FGD4: variants seen among roughly 807,000 people sequenced by gnomAD.
FGD4 encodes FYVE, RhoGEF and PH domain containing 4.
A neutral mutation model predicts 102.0 loss-of-function variants in FGD4; 42 were observed. The ratio of observed to expected loss-of-function variants is 0.41; its 90% confidence interval spans 0.32 to 0.53. FGD4 has a LOEUF of 0.53. FGD4 is among the 20% of genes least tolerant of loss of function. The pLI, the probability that FGD4 is intolerant of heterozygous loss-of-function variation, is 0.21. For missense variants in FGD4, 902 were observed against 1,078.2 expected, an observed-to-expected ratio of 0.84 and a Z score of 2.29; for synonymous variants, 380 against 375.7, an observed-to-expected ratio of 1.01 and a Z score of -0.13.
rs977448565 is a variant in FGD4, at chr12:32,643,491, A to C, written c.*2958A>C. 2 of 152,108 alleles carry C rather than the reference A, an allele frequency of 1.3e-5. No homozygotes were observed. Among genetic ancestry groups the C allele is most frequent in the African/African-American group, 4.8e-5 (2 of 41,448 alleles). The allele number at this position is 152,108 out of a possible 1,614,324, so 9.4% of individuals were successfully genotyped here. A position where few individuals can be genotyped will look rare whatever the true frequency, so the allele number is the denominator to read the frequency against. On this transcript the variant is annotated 3_prime_UTR_variant, in exon 17 of 17. Coordinates refer to ENST00000534526, the MANE Select transcript of FGD4 (RefSeq NM_001370298.3). ...AGAACATTTTTACTTTAACAAAGAA[A>C]ATGGATAGAAAAAGCACATTTTGTT... is the stretch of plus-strand genomic sequence containing the variant.
chr12:32,611,148 G>C lies in FGD4; in HGVS notation c.1614G>C (p.Lys538Asn), dbSNP rs1131691394. Residue 538 changes from lysine to asparagine, a missense_variant, in exon 10 of 17, where the codon AAG becomes AAC. Lys to Asn is a moderately conservative substitution (Grantham distance 94, BLOSUM62 0). Transcript: ENST00000534526. Reference sequence around the variant, plus strand: ...TTTTAATTTCCTAGGAGAACCTAAAGAAACTCTTAGAGATTTATGAAATGT... The same window carrying C: ...TTTTAATTTCCTAGGAGAACCTAAACAAACTCTTAGAGATTTATGAAATGT... ...NSAIRKMENL[K>N]KLLEIYEMLG... The C allele has an allele frequency of 1.2e-6, 2 of 1,613,978 alleles. No homozygotes were observed. The highest frequency in any genetic ancestry group is 1.7e-6 in the Non-Finnish European group (2 of 1,180,020).
chr12:32,619,916 A>AT, intron 11 of FGD4, 46 bp downstream of exon 11: 1 of 1,602,058 alleles, frequency 6.2e-7, no homozygotes, highest in Non-Finnish European at 8.5e-7. Context: ...ATCAGGCAAC[A>AT]GAATGAATCA....
rs905395788 is a variant in FGD4 at position 32,506,688 on chromosome 12, G to A, written c.167-57449G>A. Among the ~76,000 whole-genome samples, 18 of 152,084 alleles carry A rather than the reference G, an allele frequency of 1.2e-4. No individual in the cohort carries two copies. The highest frequency in any genetic ancestry group is 1.8e-4 in the Non-Finnish European group (12 of 68,030). ...GACATTCACTGTCTTCATTGTTAAC[G>A]TTGCATTCATTCATCAGATATTTCT... On this transcript the variant is annotated intron_variant, in intron 1 of 16. Transcript: ENST00000534526. The surrounding 1 kb of genome is among the most constrained non-coding windows in gnomAD (Gnocchi z 4.5).
intron 1 of FGD4, among the ~76,000 whole-genome samples, chr12:32,447,581 T>G (rs1457406148): frequency 6.6e-6 from 1 of 152,232 alleles, no homozygotes; most frequent in Non-Finnish European, 1.5e-5. Flanking sequence ...CCATTTGTAA[T>G]ATATGAGATA....
intron 11 of FGD4, among the ~76,000 whole-genome samples, chr12:32,622,465 C>A (rs1327450929): frequency 6.6e-6 from 1 of 152,184 alleles, no homozygotes; most frequent in Non-Finnish European, 1.5e-5. Flanking sequence ...GGATACCTCC[C>A]AATTCTTGTT....
At position 32,412,328 on chromosome 12, in the gene FGD4, G is replaced by T. The variant is rs137933421; in HGVS notation, c.166+12369G>T. 2.8e-3 allele frequency among the ~76,000 whole-genome samples: 429 copies of T among 152,278 alleles called. 4 individuals are homozygous for T. The highest frequency in any genetic ancestry group is 1.0e-2 in the African/African-American group (415 of 41,554). ...ATAATGGAGAGAAGGAAAAAGTATT[G>T]TTTTTGTTGGGTCTATCTGGTGTTT... On this transcript the variant is annotated intron_variant, in intron 1 of 16. Transcript: ENST00000534526.
At chr12:32,548,516 A>G in intron 1 of FGD4, among the ~76,000 whole-genome samples, 1 of 152,228 alleles carries the variant, frequency 6.6e-6, no homozygotes, top group East Asian at 1.9e-4. Context: ...TACTTAAAGC[A>G]GCATGCAGAT....
chr12:32,538,716 A>C (rs1419966586), intron 1 of FGD4, among the ~76,000 whole-genome samples: 1 of 152,178 alleles, frequency 6.6e-6, no homozygotes, highest in African/African-American at 2.4e-5. Flanking sequence ...CTGGAGCGAT[A>C]CTGTCTGTGT....
At chr12:32,619,936 A>G in intron 11 of FGD4, 66 bp downstream of exon 11, 1 of 1,577,722 alleles carries the variant, frequency 6.3e-7, no homozygotes, top group South Asian at 1.1e-5. Context: ...ATTAAAATAG[A>G]ATGGCTCTGA....
chr12:32,601,994 A>G (rs1361966274), intron 6 of FGD4, among the ~76,000 whole-genome samples, 167 bp from the exon 7 acceptor site: 1 of 152,222 alleles, frequency 6.6e-6, no homozygotes, highest in African/African-American at 2.4e-5. Context: ...GCGTGCCTGT[A>G]GTCCCAGCTA....
At chr12:32,565,051 T>C (rs1592241193) in intron 2 of FGD4, among the ~76,000 whole-genome samples, 1 of 152,372 alleles carries the variant, frequency 6.6e-6, no homozygotes, top group South Asian at 2.1e-4. Flanking sequence ...GAAATAATAC[T>C]GGGCATTGTC....
intron 1 of FGD4, among the ~76,000 whole-genome samples, chr12:32,492,470 G>C (rs1286311330): frequency 1.3e-5 from 2 of 152,150 alleles, no homozygotes; most frequent in Non-Finnish European, 2.9e-5. Context: ...TTGTGATTAT[G>C]TCTACATAGT....
chr12:32,456,513 C>G (rs1183442723), intron 1 of FGD4, among the ~76,000 whole-genome samples: 2 of 152,068 alleles, frequency 1.3e-5, no homozygotes, highest in Non-Finnish European at 1.5e-5. Flanking sequence ...ATTTATTCTG[C>G]TCAAAACTCA....
chr12:32,567,151 T>C (rs779168185), intron 2 of FGD4, among the ~76,000 whole-genome samples: 1 of 152,152 alleles, frequency 6.6e-6, no homozygotes, highest in Non-Finnish European at 1.5e-5. Context: ...TCCTATAAAA[T>C]CCCCAGGAAG....
intron 11 of FGD4, among the ~76,000 whole-genome samples, chr12:32,622,015 GTA>G (rs2136909560): frequency 6.6e-6 from 1 of 152,190 alleles, no homozygotes; most frequent in East Asian, 1.9e-4. Flanking sequence ...AGCCTCCCGA[GTA>G]GCTGGGACTA....
intron 1 of FGD4, among the ~76,000 whole-genome samples, chr12:32,535,899 A>G (rs975728910): frequency 6.6e-6 from 1 of 152,172 alleles, no homozygotes; most frequent in Non-Finnish European, 1.5e-5. Flanking sequence ...TTTCTGCTTT[A>G]ATGGACAGCA....
At chr12:32,462,577 T>TA (rs1943137333) in intron 1 of FGD4, among the ~76,000 whole-genome samples, 1 of 152,058 alleles carries the variant, frequency 6.6e-6, no homozygotes, top group Non-Finnish European at 1.5e-5. Context: ...GATTTTTTTT[T>TA]ATCAGAACCA....
intron 1 of FGD4, among the ~76,000 whole-genome samples, chr12:32,453,858 A>T (rs1942877886): frequency 6.6e-6 from 1 of 152,096 alleles, no homozygotes; most frequent in Non-Finnish European, 1.5e-5. Flanking sequence ...ATATTTGTTG[A>T]ATGAATGGAT....
chr12:32,610,669 T>G, intron 8 of FGD4, 107 bp from the exon 9 acceptor site: 1 of 948,652 alleles, frequency 1.1e-6, no homozygotes, highest in South Asian at 1.4e-5. Flanking sequence ...CCACTATTTT[T>G]GTTGTATCTT....
Sources: allele counts gnomAD v4.1 joint callset (sites outside exome capture counted in the v4.1 genomes callset), GRCh38; gene constraint gnomAD v4.1.1; non-coding constraint Gnocchi (gnomAD v3.1); transcripts MANE v1.5; gene names NCBI Gene and HGNC (gene_info 2026-07-23, HGNC 2026-07-21).